The following IL1RAPL2 variants were observed in gnomAD, a reference collection of about 807,000 sequenced individuals.
IL1RAPL2 encodes the protein interleukin 1 receptor accessory protein like 2, also known as X-linked interleukin-1 receptor accessory protein-like 2.
IL1RAPL2 carries 3 observed loss-of-function variants against 44.1 expected under a neutral mutation model. The ratio of observed to expected loss-of-function variants is 0.07; its 90% CI spans 0.03 to 0.18. The LOEUF is 0.18. Ranked by LOEUF, IL1RAPL2 falls within the 10% of genes least tolerant of loss-of-function variation. The probability of loss-of-function intolerance (pLI) is 1.00; values close to 1 mark genes in which losing one functional copy is unlikely to be tolerated. For synonymous variants in IL1RAPL2, 181 were observed against 178.8 expected, an observed-to-expected ratio of 1.01 and a Z score of -0.10; for missense variants, 391 against 496.4, an observed-to-expected ratio of 0.79 and a Z score of 2.02.
intron 2 of IL1RAPL2, among the ~76,000 whole-genome samples, chrX:104,983,583 TATATA>T (rs1363550228): frequency 6.4e-4 from 46 of 71,653 alleles, no homozygotes; most frequent in Admixed American, 2.2e-3. Flanking sequence ...ATAGACATAA[TATATA>T]ATATATTATA....
intron 1 of IL1RAPL2, among the ~76,000 whole-genome samples, chrX:104,639,110 C>CT (rs1447627215): frequency 4.5e-5 from 5 of 111,388 alleles, no homozygotes; most frequent in African/African-American, 1.3e-4. Flanking sequence ...ATATAATGAA[C>CT]TTTTTTGTCT....
intron 5 of IL1RAPL2, among the ~76,000 whole-genome samples, chrX:105,412,856 A>C (rs1002764018): frequency 2.7e-5 from 3 of 112,367 alleles, no homozygotes; most frequent in African/African-American, 9.7e-5. Context: ...TGATGAAGAA[A>C]AATATATTTG....
chrX:105,375,402 T>C (rs779885423), intron 5 of IL1RAPL2, among the ~76,000 whole-genome samples: 100 of 111,472 alleles, frequency 9.0e-4, no homozygotes, highest in African/African-American at 3.0e-3. Flanking sequence ...TCCCAGCTGC[T>C]CAGGAGGCTG....
intron 2 of IL1RAPL2, among the ~76,000 whole-genome samples, chrX:104,758,206 C>CT (rs1886046549): frequency 9.0e-6 from 1 of 111,528 alleles, no homozygotes; most frequent in Non-Finnish European, 1.9e-5. Flanking sequence ...CCCTGAAGGC[C>CT]TTTTGCCTTC....
At position 105,083,556 on chromosome X, in the gene IL1RAPL2, G is replaced by C. The variant is rs1366976748; in HGVS notation, c.83-111919G>C. 6.3e-5 allele frequency among the ~76,000 whole-genome samples: 7 copies of C among 110,619 alleles called. No individual in the cohort carries two copies. The Admixed American group carries it at 6.8e-4, about 11-fold the overall frequency. ...TTGAAATGAAGGAAAAAATGTTAAG[G>C]GCTGCCAGAGAGAAAGGTTGGATTA... On this transcript the variant is annotated intron_variant, in intron 2 of 10. Coordinates refer to ENST00000372582, the MANE Select transcript of IL1RAPL2 (RefSeq NM_017416.2).
In IL1RAPL2 at chrX:104,755,984, CATGTT is replaced by C. The variant is rs950688137; in HGVS notation, c.82+96994_82+96998del. ...CTCTGGGGACTTTGAGGGAAACACA[CATGTT>C]ATGTAAAGCGGAATTAACCTATACT... On this transcript the variant is annotated intron_variant, in intron 2 of 10. Coordinates refer to ENST00000372582, the MANE Select transcript of IL1RAPL2 (RefSeq NM_017416.2). 9.0e-5 allele frequency among the ~76,000 whole-genome samples: 10 copies of C among 111,481 alleles called. 1 individual carries two copies. The highest frequency in any genetic ancestry group is 1.3e-4 in the Non-Finnish European group (7 of 52,921).
chrX:104,840,264 T>A (rs1386565209), intron 2 of IL1RAPL2, among the ~76,000 whole-genome samples: 1 of 112,055 alleles, frequency 8.9e-6, no homozygotes, highest in African/African-American at 3.2e-5. Context: ...CTATATTGTC[T>A]CTTTGTTCTC....
At chrX:104,826,938 CTTTTTTTTTT>C (rs1176113214) in intron 2 of IL1RAPL2, among the ~76,000 whole-genome samples, 3 of 34,848 alleles carry the variant, frequency 8.6e-5, no homozygotes, top group Non-Finnish European at 1.5e-4. Flanking sequence ...GCAACCCCTG[CTTTTTTTTTT>C]TTTTTTTTTT....
intron 5 of IL1RAPL2, among the ~76,000 whole-genome samples, chrX:105,371,255 T>C (rs894690973): frequency 8.0e-5 from 9 of 112,303 alleles, no homozygotes; most frequent in Non-Finnish European, 1.7e-4. Context: ...ATTTGTCAAA[T>C]TTTATCTTCA....
intron 2 of IL1RAPL2, among the ~76,000 whole-genome samples, chrX:104,680,475 C>A (rs1930872302): frequency 9.0e-6 from 1 of 111,412 alleles, no homozygotes. Flanking sequence ...GCACTAAGCC[C>A]CACACTTAAA....
At chrX:104,907,553 G>T (rs1039805794) in intron 2 of IL1RAPL2, among the ~76,000 whole-genome samples, 1 of 111,631 alleles carries the variant, frequency 9.0e-6, no homozygotes, top group African/African-American at 3.3e-5. Flanking sequence ...CCTTCATTTC[G>T]TTATGTACCC....
chrX:105,725,721 C>A (rs2038344947), intron 7 of IL1RAPL2, among the ~76,000 whole-genome samples: 1 of 111,748 alleles, frequency 8.9e-6, no homozygotes, highest in Non-Finnish European at 1.9e-5. Flanking sequence ...CAACTTCTCA[C>A]ACAATTTTTA....
intron 9 of IL1RAPL2, among the ~76,000 whole-genome samples, chrX:105,754,212 A>G (rs1485907322): frequency 2.7e-5 from 3 of 112,456 alleles, no homozygotes; most frequent in African/African-American, 9.7e-5. Flanking sequence ...GTCTGTGCTC[A>G]CTACATTAAC....
At chrX:105,681,012 C>T (rs1196677189) in intron 6 of IL1RAPL2, among the ~76,000 whole-genome samples, 4 of 111,572 alleles carry the variant, frequency 3.6e-5, no homozygotes, top group Non-Finnish European at 3.8e-5. Flanking sequence ...TAATAGATTG[C>T]GTGGGGGGAT....
intron 1 of IL1RAPL2, among the ~76,000 whole-genome samples, chrX:104,636,808 C>T (rs757609407): frequency 1.7e-4 from 19 of 112,264 alleles, no homozygotes; most frequent in Middle Eastern, 4.7e-3. Flanking sequence ...GGCGATGCCT[C>T]GCCCTGCTTT....
chrX:104,856,646 C>T (rs1922372053), intron 2 of IL1RAPL2, among the ~76,000 whole-genome samples: 1 of 111,940 alleles, frequency 8.9e-6, no homozygotes, highest in Non-Finnish European at 1.9e-5. Flanking sequence ...CCACTCCTGC[C>T]ATACTTAGTA....
intron 5 of IL1RAPL2, among the ~76,000 whole-genome samples, chrX:105,427,197 T>C (rs1436178747): frequency 2.7e-5 from 3 of 111,903 alleles, no homozygotes; most frequent in Non-Finnish European, 5.6e-5. Flanking sequence ...GCTCCATGCT[T>C]TCTTTGCCTG....
intron 3 of IL1RAPL2, chrX:105,219,635 C>T: frequency 8.3e-7 from 1 of 1,210,661 alleles, no homozygotes. Context: ...CCTCCAGCAG[C>T]ACCAGCAGCA....
chrX:105,447,384 T>A (rs1208334304), intron 5 of IL1RAPL2, among the ~76,000 whole-genome samples: 1 of 66,926 alleles, frequency 1.5e-5, no homozygotes, highest in Non-Finnish European at 2.4e-5. Context: ...TATAAATATA[T>A]AAATATAAAT....
Sources: allele counts gnomAD v4.1 joint callset (sites outside exome capture counted in the v4.1 genomes callset), GRCh38; gene constraint gnomAD v4.1.1; transcripts MANE v1.5; gene names NCBI Gene and HGNC (gene_info 2026-07-23, HGNC 2026-07-21).